ANO6: variants seen among roughly 807,000 people sequenced by gnomAD.
The protein encoded by ANO6 is anoctamin-6.
A neutral mutation model predicts 117.5 loss-of-function variants in ANO6; 106 were observed. The ratio of observed to expected loss-of-function variants is 0.90; its 90% CI spans 0.77 to 1.06. ANO6 has a LOEUF of 1.06. ANO6 is among the 50% of genes least tolerant of loss of function. The pLI, the probability that ANO6 is intolerant of heterozygous loss-of-function variation, is 0.00. For missense variants in ANO6, 955 were observed against 1,121.1 expected (o/e 0.85, Z 2.12); for synonymous variants, 367 against 385.1 (o/e 0.95, Z 0.55).
At chr12:45,277,296 G>A (rs947725276) in intron 1 of ANO6, among the ~76,000 whole-genome samples, 3 of 152,178 alleles carry the variant, frequency 2.0e-5, no homozygotes, top group African/African-American at 7.2e-5. Flanking sequence ...CTGTACAGCA[G>A]ATACTGATAT....
At chr12:45,377,590 G>A (rs1452440342) in intron 9 of ANO6, among the ~76,000 whole-genome samples, 2 of 152,110 alleles carry the variant, frequency 1.3e-5, no homozygotes, top group African/African-American at 4.8e-5. Flanking sequence ...TCTCTTAACA[G>A]GAAAAACAGG....
chr12:45,343,426 G>A (rs2137434552), intron 3 of ANO6, among the ~76,000 whole-genome samples: 1 of 152,122 alleles, frequency 6.6e-6, no homozygotes, highest in East Asian at 1.9e-4. Flanking sequence ...TGACCTGCTA[G>A]TGAGACCATC....
chr12:45,220,829 C>T (rs1006367038), intron 1 of ANO6, among the ~76,000 whole-genome samples: 3 of 152,146 alleles, frequency 2.0e-5, no homozygotes, highest in African/African-American at 4.8e-5. Flanking sequence ...GCCCCATCTA[C>T]CAACCTGAAG....
chr12:45,307,720 G>C (rs751223700), intron 2 of ANO6, among the ~76,000 whole-genome samples: 2 of 152,046 alleles, frequency 1.3e-5, no homozygotes, highest in Non-Finnish European at 2.9e-5. Context: ...GACTGAGCCC[G>C]GGGGCACCAG....
chr12:45,240,973 GC>G (rs1263779840), intron 1 of ANO6, among the ~76,000 whole-genome samples: 1 of 152,154 alleles, frequency 6.6e-6, no homozygotes, highest in Non-Finnish European at 1.5e-5. Context: ...CTCTCTGGCT[GC>G]CCTTCACATT....
intron 10 of ANO6, among the ~76,000 whole-genome samples, chr12:45,383,988 C>T (rs1942233321): frequency 6.6e-6 from 1 of 152,220 alleles, no homozygotes; most frequent in Admixed American, 6.5e-5. Flanking sequence ...CAATGGGAGG[C>T]TATTTCATCT....
At chr12:45,402,952 CA>C in intron 13 of ANO6, 119 bp from the exon 14 acceptor site, 1 of 953,096 alleles carries the variant, frequency 1.0e-6, no homozygotes, top group South Asian at 1.5e-5. Context: ...TAAATGGAAA[CA>C]GTGTGAATTG....
At chr12:45,311,338 A>G (rs1240912551) in intron 2 of ANO6, among the ~76,000 whole-genome samples, 1 of 152,104 alleles carries the variant, frequency 6.6e-6, no homozygotes, top group African/African-American at 2.4e-5. Context: ...GTATTTGGTT[A>G]ACGAAGCTCC....
chr12:45,315,180 T>G (rs764637011), intron 2 of ANO6, among the ~76,000 whole-genome samples: 40 of 152,116 alleles, frequency 2.6e-4, no homozygotes, highest in Admixed American at 6.6e-4. Context: ...CACATGGGTA[T>G]GGAGACAACT....
At chr12:45,322,007 TGGTGCC>T (rs1940292612) in intron 2 of ANO6, among the ~76,000 whole-genome samples, 1 of 152,168 alleles carries the variant, frequency 6.6e-6, no homozygotes, top group Non-Finnish European at 1.5e-5. Flanking sequence ...TAGTCCAGTC[TGGTGCC>T]AATGTGGGAT....
At chr12:45,350,816 G>A (rs917955529) in intron 7 of ANO6, 42 bp downstream of exon 7, 3 of 1,487,776 alleles carry the variant, frequency 2.0e-6, no homozygotes, top group African/African-American at 2.8e-5. Context: ...GGCACTCAGG[G>A]TGTTACCCCC....
rs997652605 is a variant in ANO6, at chr12:45,397,419, CTG to C, written c.1387-4371_1387-4370del. Among the ~76,000 whole-genome samples, 53 of 152,314 alleles carry C rather than the reference CTG, an allele frequency of 3.5e-4. No homozygotes were observed. In the East Asian group the frequency reaches 5.0e-3, roughly 14 times the overall value. ...AAATTGGTTCAACCATTGTGGAAGACTGTGTGGAGATTCCTCAAGGATGTAGA... is the reference window on the plus strand; with the variant it reads ...AAATTGGTTCAACCATTGTGGAAGACTGTGGAGATTCCTCAAGGATGTAGA... On this transcript the variant is annotated intron_variant, in intron 12 of 19. Coordinates refer to ENST00000320560, the MANE Select transcript of ANO6 (RefSeq NM_001025356.3).
At chr12:45,338,922 A>G (rs1431646630) in intron 3 of ANO6, among the ~76,000 whole-genome samples, 1 of 152,084 alleles carries the variant, frequency 6.6e-6, no homozygotes, top group Non-Finnish European at 1.5e-5. Context: ...AGACATGGAG[A>G]AGAGAAAACC....
chr12:45,244,355 G>C (rs539188118), intron 1 of ANO6, among the ~76,000 whole-genome samples: 2 of 133,104 alleles, frequency 1.5e-5, no homozygotes, highest in Non-Finnish European at 3.1e-5. Flanking sequence ...TCCCATTACC[G>C]TTTTTCTTAC....
At chr12:45,296,318 C>T (rs7304749) in intron 1 of ANO6, among the ~76,000 whole-genome samples, 138,085 of 152,146 alleles carry the variant, frequency 0.91, 63,530 homozygotes, top group Non-Finnish European at 0.99. Context: ...TCTTTAGTTG[C>T]GTACGTTGAC....
intron 16 of ANO6, among the ~76,000 whole-genome samples, chr12:45,414,342 A>G (rs1943160853): frequency 6.6e-6 from 1 of 151,924 alleles, no homozygotes; most frequent in Admixed American, 6.6e-5. Flanking sequence ...AATTTTTCTC[A>G]CTTGAATATC....
chr12:45,238,215 A>G (rs1592853367), intron 1 of ANO6, among the ~76,000 whole-genome samples: 1 of 143,964 alleles, frequency 6.9e-6, no homozygotes, highest in East Asian at 2.1e-4. Context: ...CAGTGGCAGG[A>G]TCTCGGCTCA....
intron 16 of ANO6, among the ~76,000 whole-genome samples, chr12:45,413,706 T>A (rs1296362569): frequency 6.6e-6 from 1 of 151,910 alleles, no homozygotes; most frequent in African/African-American, 2.4e-5. Flanking sequence ...GCTTGGGAGA[T>A]GATAACGTTG....
At chr12:45,216,595 C>T (rs1947316751) in intron 1 of ANO6, among the ~76,000 whole-genome samples, 1 of 152,164 alleles carries the variant, frequency 6.6e-6, no homozygotes, top group African/African-American at 2.4e-5. Flanking sequence ...AGGCGCGGGG[C>T]GCGTGGTGGC....
Sources: gnomAD v4.1 joint callset for allele counts (sites outside exome capture counted in the v4.1 genomes callset) on GRCh38, gnomAD v4.1.1 for gene constraint, MANE v1.5 for transcripts, NCBI Gene and HGNC (gene_info 2026-07-23, HGNC 2026-07-21) for gene names.